Variants in FMN1 observed in about 807,000 individuals in gnomAD.
The protein encoded by FMN1 is formin-1.
FMN1 carries 110 observed loss-of-function variants against 132.4 expected under a neutral mutation model. The observed-to-expected ratio is 0.83, with a 90% CI of 0.71 to 0.97. The LOEUF (loss-of-function observed/expected upper bound fraction) is 0.97. Ranked by LOEUF, FMN1 falls within the 50% of genes least tolerant of loss-of-function variation. The pLI is 0.00. For missense variants in FMN1, 1,792 were observed against 1,705.3 expected (o/e 1.05, Z -0.90); for synonymous variants, 722 against 651.7 (o/e 1.11, Z -1.64).
intron 9 of FMN1, among the ~76,000 whole-genome samples, chr15:32,926,894 C>G (rs2060975311): frequency 6.6e-6 from 1 of 152,148 alleles, no homozygotes; most frequent in African/African-American, 2.4e-5. Context: ...AAGTGATTCT[C>G]CTGCCTCAGC....
intron 15 of FMN1, among the ~76,000 whole-genome samples, chr15:32,892,509 C>T (rs993750707): frequency 2.0e-5 from 3 of 152,128 alleles, no homozygotes; most frequent in African/African-American, 7.2e-5. Context: ...GGATATCGGT[C>T]TGTAGTTTTC....
At chr15:32,937,674 T>C (rs2061309881) in intron 9 of FMN1, among the ~76,000 whole-genome samples, 1 of 152,190 alleles carries the variant, frequency 6.6e-6, no homozygotes, top group Non-Finnish European at 1.5e-5. Flanking sequence ...AAGTGGCTCA[T>C]ATGGACATGT....
At chr15:33,037,969 T>C (rs2036261691) in intron 6 of FMN1, among the ~76,000 whole-genome samples, 1 of 152,254 alleles carries the variant, frequency 6.6e-6, no homozygotes, top group Non-Finnish European at 1.5e-5. Flanking sequence ...CTCACGCCTA[T>C]AACCATACCT....
At chr15:33,184,701 G>A (rs183455837) in intron 2 of FMN1, among the ~76,000 whole-genome samples, 98 of 152,032 alleles carry the variant, frequency 6.4e-4, no homozygotes, top group Non-Finnish European at 1.2e-3. Context: ...ATGGGTTTAC[G>A]CCATGTTGGC....
chr15:32,897,540 G>T (rs2141571158), intron 15 of FMN1, among the ~76,000 whole-genome samples: 1 of 152,306 alleles, frequency 6.6e-6, no homozygotes, highest in African/African-American at 2.4e-5. Context: ...AAAGCACAGG[G>T]TGTGTGTGGA....
intron 15 of FMN1, among the ~76,000 whole-genome samples, chr15:32,898,618 A>AT (rs2060216718): frequency 1.3e-5 from 2 of 152,166 alleles, no homozygotes; most frequent in Non-Finnish European, 2.9e-5. Context: ...GTTATAGTCG[A>AT]TTGAGACTCA....
chr15:32,942,377 A>G (rs560969281), intron 9 of FMN1, among the ~76,000 whole-genome samples: 3 of 152,334 alleles, frequency 2.0e-5, no homozygotes, highest in Admixed American at 1.3e-4. Flanking sequence ...GCTGAGAAAG[A>G]ATTCTTGTCA....
intron 6 of FMN1, among the ~76,000 whole-genome samples, chr15:33,031,773 C>A (rs909908919): frequency 6.6e-6 from 1 of 152,190 alleles, no homozygotes; most frequent in Admixed American, 6.5e-5. Flanking sequence ...CCACTGACTG[C>A]ATTAGTTACT....
intron 9 of FMN1, among the ~76,000 whole-genome samples, chr15:32,950,698 G>A (rs1365313512): frequency 6.6e-6 from 1 of 152,126 alleles, no homozygotes; most frequent in Non-Finnish European, 1.5e-5. Flanking sequence ...GAAGGTGGAG[G>A]GTGGGAGGAG....
chr15:32,963,046 A>G (rs2030767391), intron 9 of FMN1, among the ~76,000 whole-genome samples: 3 of 144,628 alleles, frequency 2.1e-5, no homozygotes, highest in African/African-American at 8.4e-5. Flanking sequence ...ATGCACACGT[A>G]TGTTTATTGT....
At chr15:32,777,120 C>A (rs1435637379) in intron 19 of FMN1, among the ~76,000 whole-genome samples, 1 of 152,146 alleles carries the variant, frequency 6.6e-6, no homozygotes, top group East Asian at 1.9e-4. Flanking sequence ...GGCTTCTCTG[C>A]TTTATCAAAA....
chr15:32,877,295 A>T (rs1296887697), intron 16 of FMN1, among the ~76,000 whole-genome samples: 1 of 151,932 alleles, frequency 6.6e-6, no homozygotes, highest in East Asian at 1.9e-4. Flanking sequence ...TCAGGAAAAA[A>T]AAAAAAAAGG....
intron 4 of FMN1, among the ~76,000 whole-genome samples, chr15:33,105,195 A>C (rs1158514993): frequency 1.3e-5 from 2 of 152,100 alleles, no homozygotes; most frequent in East Asian, 3.9e-4. Flanking sequence ...TGGATGTTTC[A>C]TTACTAAATG....
chr15:33,031,158 G>A (rs749599800), intron 6 of FMN1, among the ~76,000 whole-genome samples: 1 of 152,148 alleles, frequency 6.6e-6, no homozygotes, highest in Non-Finnish European at 1.5e-5. Flanking sequence ...CAGGTAATAA[G>A]AAATACAGCC....
intron 4 of FMN1, among the ~76,000 whole-genome samples, chr15:33,116,152 GTAGT>G (rs1236551532): frequency 2.6e-5 from 4 of 152,184 alleles, no homozygotes; most frequent in African/African-American, 9.6e-5. Context: ...AGCCTTATTA[GTAGT>G]TACTTAAATC....
chr15:32,898,975 G>T, intron 14 of FMN1, 82 bp from the exon 15 acceptor site: 1 of 964,570 alleles, frequency 1.0e-6, no homozygotes, highest in Non-Finnish European at 1.6e-6. Context: ...AATCTCAGTT[G>T]AGAAATTTCT....
chr15:33,023,064 A>G (rs1596492059), intron 6 of FMN1, among the ~76,000 whole-genome samples: 2 of 63,814 alleles, frequency 3.1e-5, no homozygotes, highest in African/African-American at 1.0e-4. Context: ...CCACCCAAAA[A>G]AAAAAAAAAA....
At chr15:32,938,324 T>A (rs1197447584) in intron 9 of FMN1, among the ~76,000 whole-genome samples, 1 of 151,924 alleles carries the variant, frequency 6.6e-6, no homozygotes. Context: ...AGGCCAGGAG[T>A]TCGGGACCAG....
chr15:32,786,533 T>C (rs936136964), intron 19 of FMN1, among the ~76,000 whole-genome samples: 1 of 152,064 alleles, frequency 6.6e-6, no homozygotes, highest in South Asian at 2.1e-4. Flanking sequence ...AAGGAGTGAA[T>C]ATTCACTCCT....
Sources: gnomAD v4.1 joint callset for allele counts (sites outside exome capture counted in the v4.1 genomes callset) on GRCh38, gnomAD v4.1.1 for gene constraint, MANE v1.5 for transcripts, NCBI Gene and HGNC (gene_info 2026-07-23, HGNC 2026-07-21) for gene names.